SHLD1: variants seen among roughly 807,000 people sequenced by gnomAD.
The protein encoded by SHLD1 is RINN1-REV7-interacting novel NHEJ regulator 3.
In SHLD1, 3 loss-of-function variants were observed where a neutral mutation model predicts 5.5. The observed-to-expected ratio is 0.54, with a 90% confidence interval of 0.25 to 1.40. The LOEUF (loss-of-function observed/expected upper bound fraction) is 1.40, where lower values mean the gene tolerates loss of function less well. Ranked by LOEUF, SHLD1 falls within the 40% of genes most tolerant of loss-of-function variation. SHLD1 has a pLI of 0.15. For missense variants in SHLD1, 210 were observed against 244.4 expected (o/e 0.86, Z 0.94); for synonymous variants, 92 against 94.3 (o/e 0.98, Z 0.14).
chr20:5,809,317 T>C (rs182698312), intron 2 of SHLD1, among the ~76,000 whole-genome samples: 44 of 152,246 alleles, frequency 2.9e-4, no homozygotes, highest in African/African-American at 1.0e-3. Context: ...TTCATAGATA[T>C]GGCTCTCCTT....
At chr20:5,781,080 T>C (rs921836156) in intron 2 of SHLD1, among the ~76,000 whole-genome samples, 2 of 152,160 alleles carry the variant, frequency 1.3e-5, no homozygotes, top group Non-Finnish European at 2.9e-5. Flanking sequence ...ATATGTCTAA[T>C]AAAGACACAG....
At chr20:5,753,686 G>A (rs1983893753) in intron 1 of SHLD1, among the ~76,000 whole-genome samples, 1 of 152,178 alleles carries the variant, frequency 6.6e-6, no homozygotes, top group African/African-American at 2.4e-5. Context: ...CATGGCACTG[G>A]CCAGGTTAAA....
chr20:5,766,193 G>C (rs1383681498), intron 1 of SHLD1, among the ~76,000 whole-genome samples: 1 of 152,102 alleles, frequency 6.6e-6, no homozygotes, highest in African/African-American at 2.4e-5. Flanking sequence ...AAGGGAGAAG[G>C]GGGAGGACAG....
chr20:5,854,101 G>A (rs1310941760), intron 2 of SHLD1, among the ~76,000 whole-genome samples: 1 of 151,700 alleles, frequency 6.6e-6, no homozygotes, highest in Admixed American at 6.6e-5. Context: ...CACCTCCCGG[G>A]TTCAAGCAAT....
intron 2 of SHLD1, among the ~76,000 whole-genome samples, chr20:5,808,554 C>G (rs1374176369): frequency 6.6e-6 from 1 of 152,156 alleles, no homozygotes; most frequent in Non-Finnish European, 1.5e-5. Flanking sequence ...ATGTAGCTCT[C>G]TCATATTTTT....
intron 2 of SHLD1, among the ~76,000 whole-genome samples, chr20:5,828,503 GACTCCATTCCC>G (rs1222608565): frequency 1.4e-5 from 2 of 145,460 alleles, no homozygotes; most frequent in Admixed American, 6.9e-5. Flanking sequence ...ATTTCTTGAT[GACTCCATTCCC>G]ACATCATTAG....
At chr20:5,859,168 C>A (rs1332311080) in intron 2 of SHLD1, among the ~76,000 whole-genome samples, 1 of 152,036 alleles carries the variant, frequency 6.6e-6, no homozygotes, top group East Asian at 1.9e-4. Context: ...GGAATGGGGA[C>A]CAACAGCAAA....
chr20:5,831,684 G>A lies in SHLD1; in HGVS notation c.179-31340G>A, dbSNP rs1446814744. ...GCTTTTAAGTGACAGTAGTTGTGTT[G>A]CTTCCCTGGAGTTGTCTCCATTTCA... On this transcript the variant is annotated intron_variant, in intron 2 of 2. Coordinates refer to ENST00000303142, the MANE Select transcript of SHLD1 (RefSeq NM_152504.4). Among the ~76,000 whole-genome samples the A allele has an allele frequency of 2.0e-5, 3 of 152,026 alleles. No individual in the cohort carries two copies. The East Asian group carries it at 5.8e-4, about 29-fold the overall frequency.
At chr20:5,796,660 CTACAAAAAAA>C (rs1448559861) in intron 2 of SHLD1, among the ~76,000 whole-genome samples, 1 of 151,804 alleles carries the variant, frequency 6.6e-6, no homozygotes, top group East Asian at 1.9e-4. Context: ...AACCCCATCT[CTACAAAAAAA>C]TACAAAAAAT....
intron 2 of SHLD1, among the ~76,000 whole-genome samples, chr20:5,803,930 T>A (rs2087336657): frequency 2.7e-5 from 4 of 150,276 alleles, no homozygotes. Flanking sequence ...GAGCAGGTGG[T>A]GTGGACTTGC....
At chr20:5,829,837 A>G (rs909311911) in intron 2 of SHLD1, among the ~76,000 whole-genome samples, 6 of 151,980 alleles carry the variant, frequency 3.9e-5, no homozygotes, top group African/African-American at 7.3e-5. Flanking sequence ...TTGAACTACA[A>G]TATAATTTAT....
chr20:5,852,415 CCCTTCCTT>C lies in SHLD1; in HGVS notation c.179-10587_179-10580del, dbSNP rs71334360. On this transcript the variant is annotated intron_variant, in intron 2 of 2. Coordinates refer to ENST00000303142, the MANE Select transcript of SHLD1 (RefSeq NM_152504.4). ...CTTCCTTTCCTTCCTTCCTTTCCCT[CCCTTCCTT>C]CCTTCCTTCCTTCCTTCCTTCTCTC... is the stretch of plus-strand genomic sequence containing the variant. Among the ~76,000 whole-genome samples the C allele has an allele frequency of 2.8e-3, 417 of 150,096 alleles. 3 individuals are homozygous for C. The highest frequency in any genetic ancestry group is 8.9e-3 in the African/African-American group (355 of 40,096).
chr20:5,800,843 G>A (rs1568509197), intron 2 of SHLD1, among the ~76,000 whole-genome samples: 1 of 50,086 alleles, frequency 2.0e-5, no homozygotes, highest in Admixed American at 2.9e-4. Context: ...ATCTATACCT[G>A]TGTGTGTGTG....
rs553257627 is a variant in SHLD1 at position 5,862,430 on chromosome 20, A to G, written c.179-594A>G. ...GAGAATCTGAGAACCTACCAAGGAA[A>G]ACAGTCCCATCGTGCACACGCACGG... On this transcript the variant is annotated intron_variant, in intron 2 of 2. Transcript: ENST00000303142. 6.6e-5 allele frequency among the ~76,000 whole-genome samples: 10 copies of G among 152,350 alleles called. No homozygotes were observed. In the South Asian group the frequency reaches 1.9e-3, roughly 28 times the overall value.
At chr20:5,861,537 A>T (rs2088163032) in intron 2 of SHLD1, among the ~76,000 whole-genome samples, 1 of 152,216 alleles carries the variant, frequency 6.6e-6, no homozygotes, top group Admixed American at 6.5e-5. Context: ...TGACTCAAAG[A>T]ACACATGTCC....
chr20:5,816,340 T>G (rs755580753), intron 2 of SHLD1, among the ~76,000 whole-genome samples: 1 of 152,218 alleles, frequency 6.6e-6, no homozygotes, highest in Non-Finnish European at 1.5e-5. Context: ...TCACTGAAGA[T>G]TCCCCTTCAG....
chr20:5,799,230 C>T (rs1161257791), intron 2 of SHLD1, among the ~76,000 whole-genome samples: 4 of 151,572 alleles, frequency 2.6e-5, no homozygotes, highest in Non-Finnish European at 4.4e-5. Context: ...AAAGGCTAGC[C>T]TCACTTCTGT....
intron 1 of SHLD1, among the ~76,000 whole-genome samples, chr20:5,767,728 T>C (rs531825396): frequency 8.8e-4 from 134 of 152,314 alleles, no homozygotes; most frequent in African/African-American, 3.1e-3. Context: ...ATAAGAGTTA[T>C]TGATGACAGC....
chr20:5,792,725 G>A lies in SHLD1; in HGVS notation c.178+19682G>A, dbSNP rs149851058. ...GTCTTGGTCTGTTGCCCAGGCTGGA[G>A]TCCAGTGGCATGATCCCGGCTCACT... On this transcript the variant is annotated intron_variant, in intron 2 of 2. Coordinates refer to ENST00000303142, the MANE Select transcript of SHLD1 (RefSeq NM_152504.4). 2.2e-3 allele frequency among the ~76,000 whole-genome samples: 327 copies of A among 150,746 alleles called. 1 individual carries two copies. The highest frequency in any genetic ancestry group is 7.6e-3 in the African/African-American group (309 of 40,844).
Sources: allele counts gnomAD v4.1 joint callset (sites outside exome capture counted in the v4.1 genomes callset), GRCh38; gene constraint gnomAD v4.1.1; transcripts MANE v1.5; gene names NCBI Gene and HGNC (gene_info 2026-07-23, HGNC 2026-07-21).